The following CALN1 variants were observed in gnomAD, a reference collection of about 807,000 sequenced individuals.
CALN1 encodes calcium-binding protein 8.
In CALN1, 17 loss-of-function variants were observed where a neutral mutation model predicts 30.6. That is an observed-to-expected ratio of 0.56 (90% CI 0.38 to 0.83). CALN1 has a LOEUF of 0.83. Among genes scored for constraint, CALN1 ranks in the 40% least tolerant of loss-of-function variants. The pLI, the probability that CALN1 is intolerant of heterozygous loss-of-function variation, is 0.00. For synonymous variants in CALN1, 156 were observed against 131.4 expected (o/e 1.19, Z -1.28); for missense variants, 291 against 354.9 (o/e 0.82, Z 1.45).
intron 3 of CALN1, among the ~76,000 whole-genome samples, chr7:72,117,088 G>A (rs1808038056): frequency 6.6e-6 from 1 of 151,998 alleles, no homozygotes; most frequent in Admixed American, 6.6e-5. Flanking sequence ...CAAGACAGGA[G>A]GATCATTTGA....
intron 3 of CALN1, among the ~76,000 whole-genome samples, chr7:72,218,977 A>G (rs905123874): frequency 2.0e-5 from 3 of 152,226 alleles, no homozygotes; most frequent in Non-Finnish European, 4.4e-5. Context: ...GACAGAGTGC[A>G]GGGAACTGCA....
intron 4 of CALN1, among the ~76,000 whole-genome samples, chr7:72,089,806 A>G (rs1355424931): frequency 1.3e-5 from 2 of 152,246 alleles, no homozygotes; most frequent in Non-Finnish European, 1.5e-5. Flanking sequence ...AGGAAGTAAC[A>G]TAACATCAAT....
At chr7:72,221,802 T>C (rs192982024) in intron 3 of CALN1, among the ~76,000 whole-genome samples, 3 of 151,660 alleles carry the variant, frequency 2.0e-5, no homozygotes, top group East Asian at 2.0e-4. Context: ...AGGCAGAGAA[T>C]TGCTTAAACC....
intron 4 of CALN1, among the ~76,000 whole-genome samples, chr7:72,040,473 A>C (rs1481346780): frequency 6.6e-6 from 1 of 152,208 alleles, no homozygotes; most frequent in Non-Finnish European, 1.5e-5. Context: ...CAACAGAGAA[A>C]GACCCTGTCT....
intron 5 of CALN1, among the ~76,000 whole-genome samples, chr7:71,870,010 C>T (rs964162629): frequency 6.6e-6 from 1 of 152,120 alleles, no homozygotes. Flanking sequence ...CCCCAACGGC[C>T]GTAGTTACCT....
chr7:72,458,235 CTATATTATATAATATATTT>C, the CALN1 span, among the ~76,000 whole-genome samples: 49 of 81,098 alleles, frequency 6.0e-4, 1 homozygote, highest in South Asian at 9.6e-3. Flanking sequence ...ATAATATATT[CTATATTATATAATATATTT>C]TATAATATAT....
At chr7:71,928,444 A>C (rs1562909215) in intron 5 of CALN1, among the ~76,000 whole-genome samples, 1 of 134,474 alleles carries the variant, frequency 7.4e-6, no homozygotes, top group African/African-American at 2.8e-5. Flanking sequence ...ATTACTTTTA[A>C]TGGCAAAAAA....
In CALN1 at chr7:72,054,484, T is replaced by TATATAC. The variant is rs1554425513; in HGVS notation, c.389-30716_389-30715insGTATAT. On this transcript the variant is annotated intron_variant, in intron 4 of 6. Coordinates refer to ENST00000395275, the MANE Select transcript of CALN1 (RefSeq NM_031468.4). ...ATATATATACATATATACATACATA[T>TATATAC]ATATATACATATATACATATATATA... Among the ~76,000 whole-genome samples the TATATAC allele has an allele frequency of 1.1e-3, 132 of 124,058 alleles. 5 individuals are homozygous for TATATAC. Among genetic ancestry groups the TATATAC allele is most frequent in the African/African-American group, 4.7e-3 (121 of 25,568 alleles). The allele number at this position is 124,058 out of a possible 152,430, so 81.4% of individuals were successfully genotyped here. A position where few individuals can be genotyped will look rare whatever the true frequency, so the allele number is the denominator to read the frequency against.
chr7:72,444,478 G>A (rs1808458671), intron 1 of CALN1, among the ~76,000 whole-genome samples: 1 of 152,292 alleles, frequency 6.6e-6, no homozygotes, highest in East Asian at 1.9e-4. Context: ...CACCTATGTT[G>A]AAGGTTATGT....
rs141453317 is a variant in CALN1 at position 72,075,828 on chromosome 7, G to T, written c.388+30323C>A. 1.9e-3 allele frequency among the ~76,000 whole-genome samples: 294 copies of T among 152,286 alleles called. 1 individual carries two copies. The highest frequency in any genetic ancestry group is 3.5e-3 in the Non-Finnish European group (240 of 68,030). On this transcript the variant is annotated intron_variant, in intron 4 of 6. Transcript: ENST00000395275. ...GGGAGGTTAGGTTTCAACAAATAGA[G>T]ACATCTGGGTGTCAGGGGAAGCTAA... is the stretch of plus-strand genomic sequence containing the variant.
At chr7:72,433,455 A>G (rs1409360726) in intron 1 of CALN1, among the ~76,000 whole-genome samples, 1 of 152,154 alleles carries the variant, frequency 6.6e-6, no homozygotes, top group Non-Finnish European at 1.5e-5. Flanking sequence ...CATGGATCCC[A>G]CAGATTATGC....
At chr7:72,123,804 A>C (rs1808559370) in intron 3 of CALN1, among the ~76,000 whole-genome samples, 1 of 152,202 alleles carries the variant, frequency 6.6e-6, no homozygotes, top group Non-Finnish European at 1.5e-5. Flanking sequence ...TATCAATAGG[A>C]AGCAATTTAC....
At position 72,350,800 on chromosome 7, in the gene CALN1, TA is replaced by T. The variant is rs1562913746; in HGVS notation, c.119+52450del. On this transcript the variant is annotated intron_variant, in intron 2 of 6. Transcript: ENST00000395275. ...AAAGTAAAAGTTAAAAAAAAATAAA[TA>T]AAAAAAATACTGAGAATTTCCTAAT... Among the ~76,000 whole-genome samples, 8 of 151,470 alleles carry T rather than the reference TA, an allele frequency of 5.3e-5. No individual in the cohort carries two copies. The East Asian group carries it at 9.7e-4, about 18-fold the overall frequency.
chr7:71,857,271 T>C (rs537125250), intron 5 of CALN1, among the ~76,000 whole-genome samples: 1 of 152,294 alleles, frequency 6.6e-6, no homozygotes, highest in Admixed American at 6.5e-5. Context: ...CAATCTTACA[T>C]GGCTATTAAA....
Position 72,314,386 on chromosome 7 carries a change from CAT to C in CALN1, c.120-35578_120-35577del, listed in dbSNP as rs766420609. Among the ~76,000 whole-genome samples the C allele has an allele frequency of 6.9e-4, 99 of 143,526 alleles. 1 individual carries two copies. The highest frequency in any genetic ancestry group is 5.0e-3 in the Admixed American group (70 of 14,114). 94.2% of individuals were successfully genotyped at this position (143,526 alleles called of 152,430 possible). On this transcript the variant is annotated intron_variant, in intron 2 of 6. Coordinates refer to ENST00000395275, the MANE Select transcript of CALN1 (RefSeq NM_031468.4). ...ATATACATATATACACATATATACA[CAT>C]ATATATACACATATATACACATATA...
intron 3 of CALN1, among the ~76,000 whole-genome samples, chr7:72,245,840 C>T (rs1795123343): frequency 6.6e-6 from 1 of 152,180 alleles, no homozygotes; most frequent in South Asian, 2.1e-4. Flanking sequence ...AGCGACTGTG[C>T]ACCAGTGTTC....
chr7:72,174,684 A>C (rs1369151888), intron 3 of CALN1, among the ~76,000 whole-genome samples: 1 of 152,236 alleles, frequency 6.6e-6, no homozygotes, highest in East Asian at 1.9e-4. Flanking sequence ...TTTCTATAAA[A>C]TTTCAGAAAA....
chr7:72,214,693 C>T (rs1040052112), intron 3 of CALN1, among the ~76,000 whole-genome samples: 2 of 151,942 alleles, frequency 1.3e-5, no homozygotes, highest in Non-Finnish European at 2.9e-5. Context: ...AGGAGCCGAG[C>T]CGCACAGCAG....
intron 3 of CALN1, among the ~76,000 whole-genome samples, chr7:72,130,014 T>C (rs1585002888): frequency 6.6e-6 from 1 of 152,266 alleles, no homozygotes; most frequent in East Asian, 1.9e-4. Flanking sequence ...TCTTGCTTTA[T>C]TAGTTCTCTC....
Sources: gnomAD v4.1 joint callset for allele counts (sites outside exome capture counted in the v4.1 genomes callset) on GRCh38, gnomAD v4.1.1 for gene constraint, MANE v1.5 for transcripts, NCBI Gene and HGNC (gene_info 2026-07-23, HGNC 2026-07-21) for gene names.